Variants in PDLIM1 observed in about 807,000 individuals in gnomAD.
The protein encoded by PDLIM1 is PDZ and LIM domain 1.
Under a neutral mutation model 35.2 loss-of-function variants are expected in PDLIM1, and 25 were observed. The observed-to-expected ratio is 0.71, with a 90% CI of 0.52 to 0.99. The LOEUF (loss-of-function observed/expected upper bound fraction) is 0.99. Among genes scored for constraint, PDLIM1 ranks in the 50% least tolerant of loss-of-function variants. The pLI is 0.00. For missense variants in PDLIM1, 363 were observed against 415.3 expected (o/e 0.87, Z 1.09); for synonymous variants, 152 against 154.0 (o/e 0.99, Z 0.10).
intron 4 of PDLIM1, among the ~76,000 whole-genome samples, chr10:95,254,229 T>C (rs1054066460): frequency 2.0e-5 from 3 of 152,174 alleles, no homozygotes; most frequent in African/African-American, 7.2e-5. Context: ...CCCAAATACA[T>C]GCTATCAACA....
chr10:95,250,290 C>T (rs895112574), intron 4 of PDLIM1, among the ~76,000 whole-genome samples: 6 of 151,734 alleles, frequency 4.0e-5, no homozygotes, highest in African/African-American at 1.5e-4. Flanking sequence ...AATGACAGAA[C>T]CCAGACCACA....
intron 1 of PDLIM1, among the ~76,000 whole-genome samples, chr10:95,283,549 A>AG (rs1361685284): frequency 2.0e-5 from 3 of 152,254 alleles, no homozygotes; most frequent in African/African-American, 7.2e-5. Flanking sequence ...ATTTGGTTTT[A>AG]GAAATGCTAC....
chr10:95,260,974 G>A (rs1163135664), intron 4 of PDLIM1, among the ~76,000 whole-genome samples: 1 of 152,216 alleles, frequency 6.6e-6, no homozygotes, highest in Non-Finnish European at 1.5e-5. Flanking sequence ...TCTGCCTTAG[G>A]CTGTTGGTTT....
intron 4 of PDLIM1, among the ~76,000 whole-genome samples, chr10:95,249,038 C>G (rs1008185099): frequency 7.2e-5 from 11 of 152,242 alleles, no homozygotes; most frequent in African/African-American, 2.7e-4. Flanking sequence ...GTCTATCTCC[C>G]CCTGGAAAGT....
intron 5 of PDLIM1, among the ~76,000 whole-genome samples, chr10:95,245,474 T>C (rs755456333): frequency 6.6e-6 from 1 of 152,202 alleles, no homozygotes; most frequent in Non-Finnish European, 1.5e-5. Context: ...TGAGCTGAGA[T>C]GAGCTCTGCA....
In PDLIM1 at chr10:95,290,479, C is replaced by A. The variant is rs1256349341; in HGVS notation, c.96+341G>T. On this transcript the variant is annotated intron_variant, in intron 1 of 6. Transcript: ENST00000329399. This position sits in a 1 kb window ranked among gnomAD's most constrained non-coding sequence, Gnocchi z 4.7. Reference sequence around the variant, plus strand: ...AGAAGGGAGAAGTGCCATCTCCCAGCGCGCGGGATCTGCGGGGACCCTCGT... The same window carrying A: ...AGAAGGGAGAAGTGCCATCTCCCAGAGCGCGGGATCTGCGGGGACCCTCGT... 2.6e-5 allele frequency among the ~76,000 whole-genome samples: 4 copies of A among 151,984 alleles called. No individual in the cohort carries two copies. The highest frequency in any genetic ancestry group is 4.4e-5 in the Non-Finnish European group (3 of 67,990).
chr10:95,288,750 A>AT lies in PDLIM1; in HGVS notation c.96+2069dup, dbSNP rs547528931. ...TAAGGAGCTGAAGAGAAACAAATAA[A>AT]TTACTGTCAGCATGAAAATGTTACC... On this transcript the variant is annotated intron_variant, in intron 1 of 6. Transcript: ENST00000329399. Among the ~76,000 whole-genome samples the AT allele has an allele frequency of 4.6e-4, 70 of 152,292 alleles. 2 individuals carry two copies. In the East Asian group the frequency reaches 0.013, roughly 28 times the overall value.
At chr10:95,253,375 G>C (rs977969050) in intron 4 of PDLIM1, among the ~76,000 whole-genome samples, 3 of 152,138 alleles carry the variant, frequency 2.0e-5, no homozygotes, top group Non-Finnish European at 4.4e-5. Context: ...AATGTTTAAA[G>C]GAAGTTCTCT....
At chr10:95,279,040 T>A (rs926232589) in intron 1 of PDLIM1, among the ~76,000 whole-genome samples, 1 of 152,222 alleles carries the variant, frequency 6.6e-6, no homozygotes, top group Non-Finnish European at 1.5e-5. Flanking sequence ...CAGTCTTGTT[T>A]TTTTTCTTAC....
intron 4 of PDLIM1, among the ~76,000 whole-genome samples, chr10:95,249,835 G>C (rs893940827): frequency 6.6e-6 from 1 of 152,162 alleles, no homozygotes; most frequent in African/African-American, 2.4e-5. Flanking sequence ...AGTGGCATAT[G>C]CTTCATGGCT....
Position 95,290,894 on chromosome 10 carries a change from G to A in PDLIM1, c.22C>T (p.Leu8Phe). The change falls in exon 1 of 7, where the codon CTC (leucine) becomes TTC (phenylalanine). Residue 8 changes from leucine (L) to phenylalanine (F), a missense_variant. Leu to Phe is a conservative substitution (Grantham distance 22, BLOSUM62 0). Transcript: ENST00000329399. This position sits in a 1 kb window ranked among gnomAD's most constrained non-coding sequence, Gnocchi z 4.7. MTTQQID[L>F]QGPGPWGFRL... ...AAGCCCCACGGCCCCGGGCCCTGGA[G>A]GTCTATCTGCTGGGTGGTCATGGCG... 3 of 1,562,858 alleles carry A rather than the reference G, an allele frequency of 1.9e-6. No homozygotes were observed. The highest frequency in any genetic ancestry group is 1.2e-5 in the South Asian group (1 of 86,256).
At chr10:95,277,792 C>T (rs45598537) in intron 1 of PDLIM1, among the ~76,000 whole-genome samples, 5,774 of 152,230 alleles carry the variant, frequency 0.038, 287 homozygotes, top group African/African-American at 0.12. Flanking sequence ...TGCTTAGAGG[C>T]CAACATGTTC....
intron 4 of PDLIM1, among the ~76,000 whole-genome samples, chr10:95,263,489 C>T (rs1158835037): frequency 6.6e-6 from 1 of 152,010 alleles, no homozygotes; most frequent in Non-Finnish European, 1.5e-5. Flanking sequence ...CCCTCAAACA[C>T]TCCCCGACTA....
rs567848461 is a variant in PDLIM1, at chr10:95,289,837, T to C, written c.96+983A>G. ...GGTGGGGAGAAAGGGGACTTCTTTT[T>C]CTCCCTTTCCTCATTCGAGGTACTT... On this transcript the variant is annotated intron_variant, in intron 1 of 6. Transcript: ENST00000329399. Among the ~76,000 whole-genome samples, 3 of 152,308 alleles carry C rather than the reference T, an allele frequency of 2.0e-5. No individual in the cohort carries two copies. In the East Asian group the frequency reaches 5.8e-4, roughly 29 times the overall value.
At chr10:95,267,140 G>A (rs978799514) in intron 3 of PDLIM1, among the ~76,000 whole-genome samples, 2 of 152,082 alleles carry the variant, frequency 1.3e-5, no homozygotes, top group African/African-American at 4.8e-5. Flanking sequence ...AAATACAAGG[G>A]TTTAAAGTAT....
At chr10:95,271,599 T>C (rs760208715) in intron 2 of PDLIM1, 34 bp downstream of exon 2, 1 of 1,565,160 alleles carries the variant, frequency 6.4e-7, no homozygotes, top group East Asian at 2.3e-5. Context: ...TTCTAGTCAA[T>C]CAGAAATGAA....
intron 1 of PDLIM1, among the ~76,000 whole-genome samples, chr10:95,279,453 G>C (rs976099179): frequency 6.6e-6 from 1 of 152,098 alleles, no homozygotes; most frequent in Admixed American, 6.6e-5. Context: ...ATACAGTATG[G>C]GGAAAAAATA....
At chr10:95,256,414 T>C (rs1332583215) in intron 4 of PDLIM1, among the ~76,000 whole-genome samples, 3 of 152,042 alleles carry the variant, frequency 2.0e-5, no homozygotes, top group African/African-American at 7.2e-5. Context: ...AAAACAAAAA[T>C]GGAGGCCTCA....
chr10:95,263,677 A>C (rs945213981), intron 4 of PDLIM1, among the ~76,000 whole-genome samples, 187 bp downstream of exon 4: 1 of 152,228 alleles, frequency 6.6e-6, no homozygotes, highest in Non-Finnish European at 1.5e-5. Context: ...ACTTTTACAG[A>C]CACCCTATAA....
Sources: allele counts gnomAD v4.1 joint callset (sites outside exome capture counted in the v4.1 genomes callset), GRCh38; gene constraint gnomAD v4.1.1; non-coding constraint Gnocchi (gnomAD v3.1); transcripts MANE v1.5; gene names NCBI Gene and HGNC (gene_info 2026-07-23, HGNC 2026-07-21).